The following IFI35 variants were observed in gnomAD, a reference collection of about 807,000 sequenced individuals.
The protein encoded by IFI35 is interferon induced protein 35.
In IFI35, 30 loss-of-function variants were observed where a neutral mutation model predicts 28.6. The observed-to-expected ratio is 1.05, with a 90% CI of 0.79 to 1.43. IFI35 has a LOEUF of 1.43. Ranked by LOEUF, IFI35 falls within the 40% of genes most tolerant of loss-of-function variation. The probability of loss-of-function intolerance (pLI) is 0.00; values close to 1 mark genes in which losing one functional copy is unlikely to be tolerated. For synonymous variants in IFI35, 146 were observed against 154.8 expected (o/e 0.94, Z 0.42); for missense variants, 372 against 356.9 (o/e 1.04, Z -0.34).
In IFI35 at chr17:43,006,837, TGAGA is replaced by T; in HGVS notation, c.-106_-103del. 3 of 1,167,628 alleles carry T rather than the reference TGAGA, an allele frequency of 2.6e-6. No homozygotes were observed. The highest frequency in any genetic ancestry group is 2.4e-5 in the South Asian group (2 of 81,898). 72.3% of individuals were successfully genotyped at this position (1,167,628 alleles called of 1,614,324 possible). On this transcript the variant is annotated 5_prime_UTR_variant, in exon 1 of 7. Coordinates refer to ENST00000415816, the MANE Select transcript of IFI35 (RefSeq NM_001330230.2). ...GGTGTATTTCGGGTCTTGCTGGGGC[TGAGA>T]GAGACCACAGCCCTTTGGGGGGTAC... is the stretch of plus-strand genomic sequence containing the variant.
Position 43,013,029 on chromosome 17 carries a change from CCCCTCCCCTACTT to C in IFI35, c.121-15_121-3del. On this transcript the variant is annotated splice_polypyrimidine_tract_variant and splice_region_variant and intron_variant, in intron 2 of 6. Transcript: ENST00000415816. The stretch of plus-strand genomic sequence containing the variant: ...GGTGGGAGTGAGGAACACTCCTACT[CCCCTCCCCTACTT>C]CCAGGTCCCATTTTCAGTGCCCAAG... The C allele has an allele frequency of 6.2e-7, 1 of 1,612,324 alleles. No individual in the cohort carries two copies. The highest frequency in any genetic ancestry group is 8.5e-7 in the Non-Finnish European group (1 of 1,178,960).
At position 43,013,604 on chromosome 17, in the gene IFI35, T is replaced by C. The variant is rs370544876; in HGVS notation, c.504T>C (p.Asp168=). Reference sequence around the variant, plus strand: ...GCAAGACTAGGAACGGAGGTGGCGATGTGGACGTTCGGGAGCTACTGCCAG... The same window carrying C: ...GCAAGACTAGGAACGGAGGTGGCGACGTGGACGTTCGGGAGCTACTGCCAG... ...FFGKTRNGGG[D]VDVRELLPGS... The change falls in exon 5 of 7, where the codon GAT becomes GAC. Residue 168 remains aspartate, a synonymous_variant. Coordinates refer to ENST00000415816, the MANE Select transcript of IFI35 (RefSeq NM_001330230.2). 12 of 1,614,002 alleles carry C rather than the reference T, an allele frequency of 7.4e-6. No individual in the cohort carries two copies. The highest frequency in any genetic ancestry group is 4.0e-5 in the African/African-American group (3 of 74,890).
chr17:43,008,766 G>A (rs543953768), intron 1 of IFI35, among the ~76,000 whole-genome samples: 9 of 151,700 alleles, frequency 5.9e-5, no homozygotes, highest in South Asian at 2.1e-4. Flanking sequence ...CTCGTGATCC[G>A]CCTGCCTCAG....
At position 43,009,002 on chromosome 17, in the gene IFI35, T is replaced by G. The variant is rs148199347; in HGVS notation, c.21+2034T>G. 7.6e-3 allele frequency among the ~76,000 whole-genome samples: 1,157 copies of G among 151,998 alleles called. 5 individuals carry two copies. Among genetic ancestry groups the G allele is most frequent in the Non-Finnish European group, 0.012 (788 of 67,968 alleles). On this transcript the variant is annotated intron_variant, in intron 1 of 6. Coordinates refer to ENST00000415816, the MANE Select transcript of IFI35 (RefSeq NM_001330230.2). Reference sequence around the variant, plus strand: ...TCTTTTTCAAATAAAAATCCAGATTTTTTGTTTTTTGGAGACAAGATCTCA... The same window carrying G: ...TCTTTTTCAAATAAAAATCCAGATTGTTTGTTTTTTGGAGACAAGATCTCA...
intron 1 of IFI35, among the ~76,000 whole-genome samples, chr17:43,008,267 C>T (rs1278159370): frequency 2.7e-5 from 4 of 150,750 alleles, no homozygotes; most frequent in African/African-American, 9.8e-5. Context: ...ATCTTCTGAC[C>T]TCGTGATCTG....
At position 43,012,093 on chromosome 17, in the gene IFI35, G is replaced by A. The variant is rs188766356; in HGVS notation, c.22-86G>A. On this transcript the variant is annotated intron_variant, in intron 1 of 6. Transcript: ENST00000415816. ...TTAGCATCAACTCTGCTTTTGGAGC[G>A]TCCAGAATAGGCCCCACTTCCCCTG... The A allele has an allele frequency of 7.3e-5, 69 of 947,038 alleles. No individual in the cohort carries two copies. The East Asian group carries it at 1.0e-3, about 14-fold the overall frequency. 58.7% of individuals were successfully genotyped at this position (947,038 alleles called of 1,614,324 possible). A position where few individuals can be genotyped will look rare whatever the true frequency, so the allele number is the denominator to read the frequency against.
At chr17:43,007,088 A>C in intron 1 of IFI35, 120 bp downstream of exon 1, 1 of 1,102,938 alleles carries the variant, frequency 9.1e-7, no homozygotes, top group Non-Finnish European at 1.4e-6. Flanking sequence ...AGACCTGCTG[A>C]AGGGCTGGGG....
At chr17:43,013,702 G>A in intron 5 of IFI35, 40 bp downstream of exon 5, 2 of 1,611,130 alleles carry the variant, frequency 1.2e-6, no homozygotes, top group Non-Finnish European at 1.7e-6. Flanking sequence ...AGAGGGTATA[G>A]GGTGTGCAAG....
chr17:43,011,998 A>G (rs1448173228), intron 1 of IFI35, 181 bp from the exon 2 acceptor site: 2 of 428,988 alleles, frequency 4.7e-6, no homozygotes, highest in Non-Finnish European at 8.4e-6. Flanking sequence ...AGATGAGGCC[A>G]GCCAAGCCCT....
At chr17:43,007,892 A>C (rs1276142612) in intron 1 of IFI35, among the ~76,000 whole-genome samples, 1 of 132,322 alleles carries the variant, frequency 7.6e-6, no homozygotes, top group East Asian at 2.0e-4. Flanking sequence ...ATTATACTTT[A>C]AGAATCACAC....
Position 43,006,969 on chromosome 17 carries a change from G to GT in IFI35, c.21+2dup, listed in dbSNP as rs1567741277. On this transcript the variant is annotated splice_donor_variant, in intron 1 of 6. Coordinates refer to ENST00000415816, the MANE Select transcript of IFI35 (RefSeq NM_001330230.2). LOFTEE classifies it high-confidence loss of function. ...ACCCATGTCAGCCCCACTGGATGCCGTAAGTGAGGAGGAGGGAGTTGGGAA... is the reference window on the plus strand; with the variant it reads ...ACCCATGTCAGCCCCACTGGATGCCGTTAAGTGAGGAGGAGGGAGTTGGGAA... 1 of 1,613,918 alleles carries GT rather than the reference G, an allele frequency of 6.2e-7. No homozygotes were observed.
intron 2 of IFI35, 74 bp downstream of exon 2, chr17:43,012,351 AC>A: frequency 9.1e-7 from 1 of 1,093,638 alleles, no homozygotes; most frequent in Non-Finnish European, 1.3e-6. Flanking sequence ...ACACCTGTAA[AC>A]CCAGCACTTT....
chr17:43,013,076 G>A lies in IFI35; in HGVS notation c.150G>A (p.Leu50=), dbSNP rs1215818473. ...CATTTTCAGTGCCCAAGATCCCCCTGGTATTCCGAGGACACACCCAGCAGG... is the reference window on the plus strand; with the variant it reads ...CATTTTCAGTGCCCAAGATCCCCCTAGTATTCCGAGGACACACCCAGCAGG... ...KVPFSVPKIP[L]VFRGHTQQDP... is the part of the protein sequence containing the mutation. The change falls in exon 3 of 7, where the codon CTG becomes CTA. Residue 50 remains leucine, a synonymous_variant. Coordinates refer to ENST00000415816, the MANE Select transcript of IFI35 (RefSeq NM_001330230.2). The A allele has an allele frequency of 6.2e-7, 1 of 1,614,054 alleles. No homozygotes were observed. The highest frequency in any genetic ancestry group is 8.5e-7 in the Non-Finnish European group (1 of 1,180,030).
At chr17:43,011,284 C>A (rs1008543366) in intron 1 of IFI35, among the ~76,000 whole-genome samples, 1 of 152,094 alleles carries the variant, frequency 6.6e-6, no homozygotes, top group Non-Finnish European at 1.5e-5. Flanking sequence ...TTTAGGAGGC[C>A]GAGGCGGGCA....
intron 1 of IFI35, among the ~76,000 whole-genome samples, chr17:43,007,333 C>T (rs554133523): frequency 1.7e-3 from 259 of 151,988 alleles, no homozygotes; most frequent in Non-Finnish European, 2.5e-3. Context: ...AGTGAAAATC[C>T]GTCTCTACTA....
intron 1 of IFI35, among the ~76,000 whole-genome samples, chr17:43,011,822 G>A (rs1350853295): frequency 6.6e-6 from 1 of 152,100 alleles, no homozygotes; most frequent in Non-Finnish European, 1.5e-5. Flanking sequence ...ATGTACTCTT[G>A]AGCACTGTTT....
At chr17:43,008,379 A>C (rs1438491479) in intron 1 of IFI35, among the ~76,000 whole-genome samples, 16 of 84,066 alleles carry the variant, frequency 1.9e-4, no homozygotes, top group Admixed American at 5.2e-4. Context: ...ATGGAGTTTC[A>C]CTCTTGTTGC....
intron 2 of IFI35, chr17:43,012,501 G>A (rs1166900852): frequency 3.1e-6 from 1 of 320,286 alleles, no homozygotes; most frequent in African/African-American, 2.2e-5. Context: ...AGCACTTTGG[G>A]AGGCCGAGGC....
At chr17:43,010,526 A>G (rs1385513986) in intron 1 of IFI35, among the ~76,000 whole-genome samples, 1 of 152,234 alleles carries the variant, frequency 6.6e-6, no homozygotes, top group Non-Finnish European at 1.5e-5. Flanking sequence ...GTTATCCTAC[A>G]TGGCTCTATT....
Sources: gnomAD v4.1 joint callset for allele counts (sites outside exome capture counted in the v4.1 genomes callset) on GRCh38, gnomAD v4.1.1 for gene constraint, MANE v1.5 for transcripts, NCBI Gene and HGNC (gene_info 2026-07-23, HGNC 2026-07-21) for gene names.